TDRD9: variants seen among roughly 807,000 people sequenced by gnomAD.
TDRD9 encodes the protein tudor domain containing 9.
Under a neutral mutation model 172.6 loss-of-function variants are expected in TDRD9, and 124 were observed. The ratio of observed to expected loss-of-function variants is 0.72; its 90% CI spans 0.62 to 0.83. The LOEUF (loss-of-function observed/expected upper bound fraction) is 0.83, where lower values mean the gene tolerates loss of function less well. TDRD9 is among the 40% of genes least tolerant of loss of function. TDRD9 has a pLI of 0.00. For synonymous variants in TDRD9, 619 were observed against 617.1 expected (o/e 1.00, Z -0.05); for missense variants, 1,479 against 1,714.1 (o/e 0.86, Z 2.42).
intron 1 of TDRD9, among the ~76,000 whole-genome samples, chr14:103,955,282 C>A (rs999723829): frequency 6.6e-6 from 1 of 152,010 alleles, no homozygotes; most frequent in African/African-American, 2.4e-5. Flanking sequence ...GGGAGGATTG[C>A]TTGAACTTAG....
chr14:104,050,256 A>G (rs1416218363), intron 35 of TDRD9, among the ~76,000 whole-genome samples: 1 of 152,168 alleles, frequency 6.6e-6, no homozygotes, highest in Non-Finnish European at 1.5e-5. Flanking sequence ...CTTAGGGCAC[A>G]AATCCCATCC....
intron 7 of TDRD9, among the ~76,000 whole-genome samples, chr14:103,985,146 G>A (rs144725218): frequency 0.029 from 4,348 of 152,252 alleles, 131 homozygotes; most frequent in African/African-American, 0.075. Context: ...GCTGAAATGA[G>A]TTAAGACTTT....
At position 103,965,377 on chromosome 14, in the gene TDRD9, GGCCACGGGAA is replaced by G; in HGVS notation, c.468_477del (p.Thr157ValfsTer31). 1 of 1,551,610 alleles carries G rather than the reference GGCCACGGGAA, an allele frequency of 6.4e-7. No individual in the cohort carries two copies. The highest frequency in any genetic ancestry group is 8.7e-7 in the Non-Finnish European group (1 of 1,146,984). On this transcript the variant is annotated frameshift_variant, in exon 4 of 36. Coordinates refer to ENST00000409874, the MANE Select transcript of TDRD9 (RefSeq NM_153046.3). LOFTEE classifies it high-confidence loss of function. ...GTAATTCCGTGGTGATTATCCATGG[GGCCACGGGAA>G]GCGGTAAAAGCACTCAGCTCCCGCA...
intron 13 of TDRD9, among the ~76,000 whole-genome samples, chr14:104,000,717 G>A (rs2034232502): frequency 6.6e-6 from 1 of 152,086 alleles, no homozygotes; most frequent in Admixed American, 6.5e-5. Flanking sequence ...CCTGGGAGGT[G>A]GAGGTTGCAG....
chr14:104,043,518 G>A (rs531451871), intron 34 of TDRD9, among the ~76,000 whole-genome samples: 14 of 152,254 alleles, frequency 9.2e-5, no homozygotes, highest in African/African-American at 3.1e-4. Flanking sequence ...ACAGGTGTGA[G>A]CCACCATGCC....
chr14:104,048,016 T>C (rs1258481368), intron 34 of TDRD9, among the ~76,000 whole-genome samples: 2 of 152,212 alleles, frequency 1.3e-5, no homozygotes, highest in African/African-American at 4.8e-5. Flanking sequence ...GCTGCTCTTC[T>C]GTGTGTGGGC....
chr14:103,970,883 G>A (rs2032991996), intron 6 of TDRD9, among the ~76,000 whole-genome samples: 1 of 152,052 alleles, frequency 6.6e-6, no homozygotes, highest in South Asian at 2.1e-4. Context: ...GTAAATAGTT[G>A]CTATACTCTA....
chr14:103,956,114 ATATAT>A (rs2032216569), intron 2 of TDRD9, among the ~76,000 whole-genome samples: 3 of 17,930 alleles, frequency 1.7e-4, no homozygotes, highest in Admixed American at 7.3e-4. Context: ...AAAAAAAAAT[ATATAT>A]ATATATATAT....
chr14:103,975,683 A>G (rs1279912203), intron 7 of TDRD9, 130 bp downstream of exon 7: 2 of 912,012 alleles, frequency 2.2e-6, no homozygotes, highest in African/African-American at 1.7e-5. Flanking sequence ...TACTAAGTGT[A>G]CATATTTATG....
chr14:104,043,483 T>C (rs1040934061), intron 34 of TDRD9, among the ~76,000 whole-genome samples: 1 of 151,966 alleles, frequency 6.6e-6, no homozygotes, highest in East Asian at 1.9e-4. Context: ...ATCCACCCGC[T>C]TCAGCCTCCC....
intron 7 of TDRD9, among the ~76,000 whole-genome samples, chr14:103,975,915 C>T (rs935924230): frequency 3.3e-5 from 5 of 152,174 alleles, no homozygotes; most frequent in African/African-American, 7.2e-5. Context: ...GAAAACTGGG[C>T]GTAGTGGTGG....
intron 1 of TDRD9, among the ~76,000 whole-genome samples, chr14:103,954,271 A>C (rs2032087396): frequency 6.6e-6 from 1 of 152,172 alleles, no homozygotes; most frequent in South Asian, 2.1e-4. Context: ...TCAGGTTTTA[A>C]TTATTACAAA....
At chr14:104,000,722 T>C (rs1196406553) in intron 13 of TDRD9, among the ~76,000 whole-genome samples, 2 of 151,992 alleles carry the variant, frequency 1.3e-5, no homozygotes, top group Non-Finnish European at 2.9e-5. Context: ...GAGGTGGAGG[T>C]TGCAGTGAGC....
intron 8 of TDRD9, among the ~76,000 whole-genome samples, chr14:103,986,953 A>G (rs938092201): frequency 1.1e-4 from 17 of 152,158 alleles, no homozygotes; most frequent in Admixed American, 9.2e-4. Context: ...GTCTCTACTA[A>G]AATACAAAAA....
chr14:103,965,661 C>T (rs567653015), intron 4 of TDRD9, 107 bp downstream of exon 4: 11 of 1,030,846 alleles, frequency 1.1e-5, no homozygotes, highest in African/African-American at 1.6e-5. Flanking sequence ...CCATTTTCTG[C>T]TGAAAATTAG....
chr14:104,045,341 C>T (rs2035738947), intron 34 of TDRD9, among the ~76,000 whole-genome samples: 1 of 149,278 alleles, frequency 6.7e-6, no homozygotes, highest in Non-Finnish European at 1.5e-5. Flanking sequence ...TCCTTAATGA[C>T]TAATGATGTA....
In TDRD9 at chr14:103,986,357, A is replaced by G. The variant is rs754752175; in HGVS notation, c.1115+37A>G. 6 of 1,406,598 alleles carry G rather than the reference A, an allele frequency of 4.3e-6. 1 individual carries two copies. The South Asian group carries it at 5.1e-5, about 12-fold the overall frequency. 87.1% of individuals were successfully genotyped at this position (1,406,598 alleles called of 1,614,324 possible). A position where few individuals can be genotyped will look rare whatever the true frequency, so the allele number is the denominator to read the frequency against. On this transcript the variant is annotated intron_variant, in intron 8 of 35. Coordinates refer to ENST00000409874, the MANE Select transcript of TDRD9 (RefSeq NM_153046.3). ...TTCAGTTGGTAATGCACTTTAATGTATATGTGATTTAAAAAATTATTCATT... is the reference window on the plus strand; with the variant it reads ...TTCAGTTGGTAATGCACTTTAATGTGTATGTGATTTAAAAAATTATTCATT...
intron 1 of TDRD9, among the ~76,000 whole-genome samples, chr14:103,934,921 G>GT (rs1214685531): frequency 3.3e-5 from 5 of 152,226 alleles, no homozygotes; most frequent in African/African-American, 7.2e-5. Context: ...TTTTGAAGGT[G>GT]TTTTTTAGAT....
chr14:104,026,975 T>C, intron 28 of TDRD9, 36 bp downstream of exon 28: 3 of 1,603,332 alleles, frequency 1.9e-6, no homozygotes, highest in African/African-American at 1.3e-5. Context: ...CACGCGTTTG[T>C]GTGAGAGAGA....
Sources: allele counts gnomAD v4.1 joint callset (sites outside exome capture counted in the v4.1 genomes callset), GRCh38; gene constraint gnomAD v4.1.1; transcripts MANE v1.5; gene names NCBI Gene and HGNC (gene_info 2026-07-23, HGNC 2026-07-21).